The following ZXDC variants were observed in gnomAD, a reference collection of about 807,000 sequenced individuals.
ZXDC encodes the protein zinc finger protein ZXDC.
A neutral mutation model predicts 63.6 loss-of-function variants in ZXDC; 58 were observed. That is an observed-to-expected ratio of 0.91 (90% CI 0.74 to 1.13). ZXDC has a LOEUF of 1.13. Among genes scored for constraint, ZXDC ranks in the 50% most tolerant of loss-of-function variants. ZXDC has a pLI of 0.00. For synonymous variants in ZXDC, 561 were observed against 496.1 expected (o/e 1.13, Z -1.74); for missense variants, 1,133 against 1,148.9 (o/e 0.99, Z 0.20).
intron 8 of ZXDC, chr3:126,441,019 G>C: frequency 7.1e-6 from 7 of 985,538 alleles, no homozygotes; most frequent in Non-Finnish European, 7.2e-6. Flanking sequence ...TGGTGAAGAG[G>C]GGCACACACC....
chr3:126,446,844 T>C (rs916048387), intron 7 of ZXDC, among the ~76,000 whole-genome samples: 1 of 152,146 alleles, frequency 6.6e-6, no homozygotes, highest in Non-Finnish European at 1.5e-5. Flanking sequence ...TTTGTGTAGG[T>C]TTCAGATTTC....
At chr3:126,453,189 G>A (rs1363061333) in intron 7 of ZXDC, 1 of 985,208 alleles carries the variant, frequency 1.0e-6, no homozygotes, top group Non-Finnish European at 1.2e-6. Context: ...GCATTTTGTT[G>A]CAAGTATTCT....
At chr3:126,441,719 C>T in intron 8 of ZXDC, 46 bp downstream of exon 8, 1 of 1,523,730 alleles carries the variant, frequency 6.6e-7, no homozygotes, top group Non-Finnish European at 8.7e-7. Flanking sequence ...CTGCGTGACC[C>T]TCCCACCCCG....
chr3:126,460,518 G>A (rs1452264226), intron 6 of ZXDC: 2 of 961,500 alleles, frequency 2.1e-6, no homozygotes, highest in East Asian at 1.1e-4. Flanking sequence ...AGCTGCACCA[G>A]GGAGCTTCCA....
chr3:126,449,109 G>A (rs1268050014), intron 7 of ZXDC, among the ~76,000 whole-genome samples: 1 of 152,138 alleles, frequency 6.6e-6, no homozygotes, highest in Admixed American at 6.5e-5. Flanking sequence ...CAGCAGCTCT[G>A]AAACCACATA....
chr3:126,469,532 C>T (rs1237487579), intron 4 of ZXDC, among the ~76,000 whole-genome samples: 4 of 152,294 alleles, frequency 2.6e-5, no homozygotes, highest in African/African-American at 9.6e-5. Flanking sequence ...AGGCCCCCGT[C>T]CAGGCCATCC....
At chr3:126,451,962 C>G in intron 7 of ZXDC, 2 of 985,442 alleles carry the variant, frequency 2.0e-6, no homozygotes, top group Non-Finnish European at 2.4e-6. Context: ...AGGCTGCCCC[C>G]ACAGCTCTTC....
chr3:126,455,098 T>C, intron 7 of ZXDC: 1 of 985,322 alleles, frequency 1.0e-6, no homozygotes, highest in Non-Finnish European at 1.2e-6. Flanking sequence ...TTGGACTTAT[T>C]ACAGGTCCAT....
intron 7 of ZXDC, among the ~76,000 whole-genome samples, chr3:126,456,780 CACAT>C (rs1934322570): frequency 6.6e-6 from 1 of 151,952 alleles, no homozygotes; most frequent in South Asian, 2.1e-4. Flanking sequence ...CCCCAAGCCC[CACAT>C]ACAGTCTCAA....
intron 7 of ZXDC, among the ~76,000 whole-genome samples, chr3:126,446,042 T>C (rs1277224090): frequency 6.6e-6 from 1 of 152,210 alleles, no homozygotes; most frequent in Non-Finnish European, 1.5e-5. Context: ...AAATGCAATA[T>C]GATCAATTTA....
At chr3:126,469,930 C>T (rs1397107681) in intron 4 of ZXDC, among the ~76,000 whole-genome samples, 2 of 152,216 alleles carry the variant, frequency 1.3e-5, no homozygotes, top group African/African-American at 4.8e-5. Flanking sequence ...ATTATTCTCT[C>T]TTCCAGGTAA....
In ZXDC at chr3:126,452,639, T is replaced by C. The variant is rs1365712433; in HGVS notation, c.2212+7014A>G. 4 of 868,762 alleles carry C rather than the reference T, an allele frequency of 4.6e-6. No individual in the cohort carries two copies. The African/African-American group carries it at 7.3e-5, about 16-fold the overall frequency. The allele number at this position is 868,762 out of a possible 1,614,324, so 53.8% of individuals were successfully genotyped here. A position where few individuals can be genotyped will look rare whatever the true frequency, so the allele number is the denominator to read the frequency against. On this transcript the variant is annotated intron_variant, in intron 7 of 9. Coordinates refer to ENST00000389709, the MANE Select transcript of ZXDC (RefSeq NM_025112.5). ...TCTCAAGCTATCTGATTAAGCTCCA[T>C]TTGGTCAGAATAGTACATTAAATAT...
intron 7 of ZXDC, among the ~76,000 whole-genome samples, chr3:126,456,085 T>A (rs896882509): frequency 1.3e-5 from 2 of 151,916 alleles, no homozygotes; most frequent in African/African-American, 4.8e-5. Context: ...CTCTTCCTTA[T>A]AAAATTAATA....
rs779016844 is a variant in ZXDC at position 126,475,504 on chromosome 3, G to T, written c.362C>A (p.Pro121His). The change falls in exon 1 of 10, where the codon CCT (proline) becomes CAT (histidine). Residue 121 changes from proline to histidine, a missense_variant. By Grantham distance (77) the Pro-to-His change is moderately conservative (BLOSUM62 -2). Transcript: ENST00000389709. ...GPSGPAAPPG[P>H]GVAPAGAVTI... ...GACGGCGCCCGCCGGGGCTACGCCA[G>T]GGCCGGGGGGGGCGGCCGGGCCGCT... 8.1e-7 allele frequency: 1 copy of T among 1,240,690 alleles called. No individual in the cohort carries two copies. Among genetic ancestry groups the T allele is most frequent in the Non-Finnish European group, 1.0e-6 (1 of 994,928 alleles). The allele number at this position is 1,240,690 out of a possible 1,614,324, so 76.9% of individuals were successfully genotyped here.
chr3:126,448,922 C>T (rs1050649305), intron 7 of ZXDC, among the ~76,000 whole-genome samples: 1 of 152,226 alleles, frequency 6.6e-6, no homozygotes, highest in Non-Finnish European at 1.5e-5. Context: ...CAGACAGCAA[C>T]GGCCAGCATC....
intron 7 of ZXDC, chr3:126,450,510 A>C: frequency 2.2e-6 from 1 of 456,712 alleles, no homozygotes; most frequent in South Asian, 1.5e-5. Flanking sequence ...TGGGCACCTC[A>C]TGACACATGT....
At chr3:126,469,555 C>A (rs1560104767) in intron 4 of ZXDC, among the ~76,000 whole-genome samples, 1 of 152,204 alleles carries the variant, frequency 6.6e-6, no homozygotes, top group Non-Finnish European at 1.5e-5. Flanking sequence ...CCTCCCCACA[C>A]CCCTGGCTGC....
At position 126,471,984 on chromosome 3, in the gene ZXDC, T is replaced by C. The variant is rs563302204; in HGVS notation, c.1128A>G (p.Leu376=). The change falls in exon 3 of 10, where the codon CTA becomes CTG. Residue 376 remains leucine, a synonymous_variant. Transcript: ENST00000389709. Reference sequence around the variant, plus strand: ...AATGTAAGGATTACCTTCTGTGCCTTAGAAGTTTGGACATGCTGGTGAAGG... The same window carrying C: ...AATGTAAGGATTACCTTCTGTGCCTCAGAAGTTTGGACATGCTGGTGAAGG... ...GWTFTSMSKL[L]RHRRKHDDDR... is the part of the protein sequence containing the mutation. The C allele has an allele frequency of 8.1e-6, 13 of 1,613,176 alleles. No homozygotes were observed. The Admixed American group carries it at 1.3e-4, about 17-fold the overall frequency.
chr3:126,464,796 A>G (rs187491785), intron 5 of ZXDC, among the ~76,000 whole-genome samples: 1 of 152,192 alleles, frequency 6.6e-6, no homozygotes, highest in Admixed American at 6.5e-5. Flanking sequence ...CAAAGGTGAC[A>G]CCCTCCAACA....
Sources: gnomAD v4.1 joint callset for allele counts (sites outside exome capture counted in the v4.1 genomes callset) on GRCh38, gnomAD v4.1.1 for gene constraint, MANE v1.5 for transcripts, NCBI Gene and HGNC (gene_info 2026-07-23, HGNC 2026-07-21) for gene names.